Variants in PLS1 observed in about 807,000 individuals in gnomAD.
The protein encoded by PLS1 is plastin-1.
Under a neutral mutation model 73.7 loss-of-function variants are expected in PLS1, and 32 were observed. The ratio of observed to expected loss-of-function variants is 0.43; its 90% CI spans 0.33 to 0.58. The LOEUF (loss-of-function observed/expected upper bound fraction) is 0.58, where lower values mean the gene tolerates loss of function less well. Ranked by LOEUF, PLS1 falls within the 20% of genes least tolerant of loss-of-function variation. The pLI is 0.04. For missense variants in PLS1, 633 were observed against 740.5 expected (o/e 0.85, Z 1.68); for synonymous variants, 217 against 261.3 (o/e 0.83, Z 1.63).
chr3:142,600,908 A>ATG (rs2035909819), intron 1 of PLS1, among the ~76,000 whole-genome samples: 1 of 27,536 alleles, frequency 3.6e-5, no homozygotes, highest in Non-Finnish European at 5.6e-5. Context: ...ATATATATAT[A>ATG]TATATATATT....
At chr3:142,675,768 C>T (rs747897446) in intron 4 of PLS1, among the ~76,000 whole-genome samples, 34 of 152,074 alleles carry the variant, frequency 2.2e-4, no homozygotes, top group African/African-American at 4.3e-4. Context: ...CTCCACCCCC[C>T]GGTTCAAGCA....
intron 1 of PLS1, among the ~76,000 whole-genome samples, chr3:142,606,348 C>T (rs1206190067): frequency 1.3e-5 from 2 of 152,130 alleles, no homozygotes; most frequent in Non-Finnish European, 2.9e-5. Flanking sequence ...CGGGACTTCT[C>T]AGAGAAATTA....
chr3:142,703,851 C>A lies in PLS1; in HGVS notation c.1372-17C>A, dbSNP rs1001524158. ...TTTTAAAAATCTTTTTATACCCAAA[C>A]TTTTACTTATTTATAGATTGAAAAC... On this transcript the variant is annotated splice_polypyrimidine_tract_variant and intron_variant, in intron 12 of 15. Coordinates refer to ENST00000457734, the MANE Select transcript of PLS1 (RefSeq NM_001145319.2). The A allele has an allele frequency of 1.9e-6, 3 of 1,581,908 alleles. No homozygotes were observed. The African/African-American group carries it at 4.0e-5, about 21-fold the overall frequency.
intron 5 of PLS1, among the ~76,000 whole-genome samples, chr3:142,677,307 C>T (rs949713134): frequency 2.6e-5 from 4 of 152,070 alleles, no homozygotes; most frequent in Admixed American, 2.6e-4. Context: ...CTGCGGAATA[C>T]TGATGATCAT....
At chr3:142,670,455 GT>G in intron 3 of PLS1, among the ~76,000 whole-genome samples, 1 of 152,234 alleles carries the variant, frequency 6.6e-6, no homozygotes, top group Non-Finnish European at 1.5e-5. Flanking sequence ...AGAATAGAAT[GT>G]GAAGTGACAA....
intron 1 of PLS1, among the ~76,000 whole-genome samples, chr3:142,652,881 A>G (rs2037129784): frequency 6.6e-6 from 1 of 152,254 alleles, no homozygotes; most frequent in African/African-American, 2.4e-5. Context: ...GTCAAATAAC[A>G]TTTGAACCTC....
intron 3 of PLS1, 104 bp downstream of exon 3, chr3:142,669,657 A>G (rs913476100): frequency 1.5e-6 from 1 of 661,262 alleles, no homozygotes; most frequent in Non-Finnish European, 2.5e-6. Context: ...AGACCAGAAA[A>G]AGGACTGCTT....
At chr3:142,649,381 A>T (rs2037033306) in intron 1 of PLS1, among the ~76,000 whole-genome samples, 1 of 150,038 alleles carries the variant, frequency 6.7e-6, no homozygotes, top group Non-Finnish European at 1.5e-5. Context: ...CACGCCTGTA[A>T]TCCCAGCACT....
In PLS1 at chr3:142,676,222, C is replaced by A; in HGVS notation, c.430C>A (p.His144Asn). 6.2e-7 allele frequency: 1 copy of A among 1,612,374 alleles called. No individual in the cohort carries two copies. The highest frequency in any genetic ancestry group is 2.2e-5 in the East Asian group (1 of 44,858). The change falls in exon 5 of 16, where the codon CAT becomes AAT. Residue 144 changes from histidine (H) to asparagine (N), a missense_variant. Coordinates refer to ENST00000457734, the MANE Select transcript of PLS1 (RefSeq NM_001145319.2). The part of the protein sequence containing the change: ...KALENDPDCK[H>N]LIPMNPNDDS... ...CCTGGAGAATGACCCTGACTGTAAG[C>A]ATCTTATACCCATGAATCCCAATGA...
intron 1 of PLS1, chr3:142,597,481 G>A (rs2035834607): frequency 6.6e-6 from 1 of 152,188 alleles, no homozygotes; most frequent in Non-Finnish European, 1.5e-5. Flanking sequence ...GAGGTAGTAA[G>A]TTTAGGAAGA....
chr3:142,659,086 G>A (rs2037305841), intron 1 of PLS1, among the ~76,000 whole-genome samples: 1 of 152,180 alleles, frequency 6.6e-6, no homozygotes, highest in African/African-American at 2.4e-5. Context: ...GTGAGCTCAT[G>A]CATGTGAGGA....
Position 142,698,055 on chromosome 3 carries a change from G to A in PLS1, c.1359G>A (p.Gly453=). Residue 453 remains glycine (G), a synonymous_variant, in exon 12 of 16, where the codon GGG becomes GGA. Transcript: ENST00000457734. ...VNKPPYPALG[G]NMKKIENCNY... ...AACCTCCTTATCCTGCCCTTGGAGGGAACATGAAGAAGGTGAATGAAATAA... is the reference window on the plus strand; with the variant it reads ...AACCTCCTTATCCTGCCCTTGGAGGAAACATGAAGAAGGTGAATGAAATAA... 1 of 1,568,694 alleles carries A rather than the reference G, an allele frequency of 6.4e-7. No homozygotes were observed. The highest frequency in any genetic ancestry group is 1.7e-4 in the Middle Eastern group (1 of 5,984).
At chr3:142,700,571 C>G (rs1335005981) in intron 12 of PLS1, among the ~76,000 whole-genome samples, 1 of 152,238 alleles carries the variant, frequency 6.6e-6, no homozygotes, top group Non-Finnish European at 1.5e-5. Flanking sequence ...ATCCACCCGC[C>G]TTGGCCTCCG....
chr3:142,681,494 A>G (rs1005712453), intron 6 of PLS1, among the ~76,000 whole-genome samples: 5 of 152,172 alleles, frequency 3.3e-5, no homozygotes, highest in African/African-American at 1.2e-4. Flanking sequence ...GTCAACATCC[A>G]ATTCTTTACT....
At chr3:142,700,693 A>G (rs1303723549) in intron 12 of PLS1, among the ~76,000 whole-genome samples, 2 of 152,172 alleles carry the variant, frequency 1.3e-5, no homozygotes, top group Non-Finnish European at 2.9e-5. Context: ...CATTGTCTAA[A>G]TGATCTAAGC....
chr3:142,648,316 C>T (rs1037979271), intron 1 of PLS1, among the ~76,000 whole-genome samples: 1 of 151,664 alleles, frequency 6.6e-6, no homozygotes, highest in South Asian at 2.1e-4. Context: ...AAAGAGGAGG[C>T]CTTTTTCAGG....
At position 142,712,281 on chromosome 3, in the gene PLS1, T is replaced by C; in HGVS notation, c.*274T>C. On this transcript the variant is annotated 3_prime_UTR_variant, in exon 16 of 16. Coordinates refer to ENST00000457734, the MANE Select transcript of PLS1 (RefSeq NM_001145319.2). ...TTATTTTTGTTGCTTAAAAGTCGTA[T>C]TAGACAAGACTAAATCATTCTTTTT... The C allele has an allele frequency of 3.7e-6, 1 of 269,400 alleles. No individual in the cohort carries two copies. 16.7% of individuals were successfully genotyped at this position (269,400 alleles called of 1,614,324 possible).
chr3:142,689,998 G>T lies in PLS1; in HGVS notation c.1177+185G>T, dbSNP rs193207186. On this transcript the variant is annotated intron_variant, in intron 10 of 15. Coordinates refer to ENST00000457734, the MANE Select transcript of PLS1 (RefSeq NM_001145319.2). ...GTTTTGGTTAAAAGAGAATGCTGGG[G>T]TAAATCTTTTATTTCTCCATAAGAG... 4.6e-5 allele frequency among the ~76,000 whole-genome samples: 7 copies of T among 152,098 alleles called. No homozygotes were observed. In the East Asian group the frequency reaches 1.2e-3, roughly 25 times the overall value.
At chr3:142,665,754 C>G (rs542536372) in intron 2 of PLS1, among the ~76,000 whole-genome samples, 2 of 151,712 alleles carry the variant, frequency 1.3e-5, no homozygotes, top group Non-Finnish European at 2.9e-5. Context: ...TATAATCTTG[C>G]AATATTTATT....
Sources: allele counts gnomAD v4.1 joint callset (sites outside exome capture counted in the v4.1 genomes callset), GRCh38; gene constraint gnomAD v4.1.1; transcripts MANE v1.5; gene names NCBI Gene and HGNC (gene_info 2026-07-23, HGNC 2026-07-21).